Variants in AMMECR1 observed in about 807,000 individuals in gnomAD.
The protein encoded by AMMECR1 is nuclear protein AMMECR1.
In AMMECR1, 3 loss-of-function variants were observed where a neutral mutation model predicts 22.5. That is an observed-to-expected ratio of 0.13 (90% CI 0.06 to 0.35). AMMECR1 has a LOEUF of 0.35. Among genes scored for constraint, AMMECR1 ranks in the 10% least tolerant of loss-of-function variants. AMMECR1 has a pLI of 1.00. For synonymous variants in AMMECR1, 130 were observed against 116.7 expected, an observed-to-expected ratio of 1.11 and a Z score of -0.74; for missense variants, 235 against 278.7, an observed-to-expected ratio of 0.84 and a Z score of 1.12.
chrX:110,313,424 TAA>T (rs2068033350), intron 1 of AMMECR1, among the ~76,000 whole-genome samples: 1 of 112,081 alleles, frequency 8.9e-6, no homozygotes, highest in Non-Finnish European at 1.9e-5. Flanking sequence ...GCAGCAGCAT[TAA>T]AGATATAAGA....
At chrX:110,318,245 C>T (rs1453790273), upstream of AMMECR1, 4 of 165,352 alleles carry the variant, frequency 2.4e-5, no homozygotes, top group African/African-American at 9.6e-5. Flanking sequence ...CGCGCGCCCC[C>T]GCCTCGGTGC....
chrX:110,412,050 C>T (rs182468343), intron 2 of AMMECR1, among the ~76,000 whole-genome samples: 4 of 112,791 alleles, frequency 3.5e-5, no homozygotes, highest in African/African-American at 1.3e-4. Context: ...AGGGCCTATG[C>T]CCTATTAAAA....
At chrX:110,224,965 A>T (rs747574449) in intron 2 of AMMECR1, 1 of 349,831 alleles carries the variant, frequency 2.9e-6, no homozygotes, top group South Asian at 2.7e-5. Context: ...TTCGTTTTTT[A>T]AATTAAAAAA....
At chrX:110,347,004 A>T (rs761811148) in intron 2 of AMMECR1, 51 of 474,139 alleles carry the variant, frequency 1.1e-4, no homozygotes, top group Non-Finnish European at 1.7e-4. Flanking sequence ...TGCTATTAGA[A>T]GGGCTCAGGA....
intron 2 of AMMECR1, among the ~76,000 whole-genome samples, chrX:110,338,584 G>A (rs2068149771): frequency 9.0e-6 from 1 of 111,596 alleles, no homozygotes; most frequent in African/African-American, 3.3e-5. Flanking sequence ...TAATAAAATT[G>A]CATAGTAATT....
intron 2 of AMMECR1, among the ~76,000 whole-genome samples, chrX:110,247,447 T>C (rs994144768): frequency 3.6e-5 from 4 of 111,958 alleles, no homozygotes; most frequent in African/African-American, 6.5e-5. Flanking sequence ...TCCCAACACG[T>C]TGGGAGGCCG....
At chrX:110,313,403 T>C (rs1349499064) in intron 1 of AMMECR1, among the ~76,000 whole-genome samples, 1 of 112,237 alleles carries the variant, frequency 8.9e-6, no homozygotes, top group Non-Finnish European at 1.9e-5. Flanking sequence ...AAAGTTCAAG[T>C]AACGTGACAC....
intron 1 of AMMECR1, among the ~76,000 whole-genome samples, chrX:110,301,778 T>C (rs2067968180): frequency 1.8e-5 from 2 of 111,811 alleles, no homozygotes; most frequent in South Asian, 3.7e-4. Context: ...AATGCACTTA[T>C]ACAAATCTTT....
intron 2 of AMMECR1, among the ~76,000 whole-genome samples, chrX:110,365,270 T>C (rs1251380180): frequency 8.9e-6 from 1 of 111,801 alleles, no homozygotes; most frequent in Non-Finnish European, 1.9e-5. Flanking sequence ...GAGCCTGCAT[T>C]TTAAAACAAG....
At chrX:110,342,930 C>T (rs1284160669) in intron 2 of AMMECR1, among the ~76,000 whole-genome samples, 1 of 111,580 alleles carries the variant, frequency 9.0e-6, no homozygotes, top group African/African-American at 3.3e-5. Flanking sequence ...GGAGCTGGTA[C>T]CATTCCTTCT....
intron 2 of AMMECR1, among the ~76,000 whole-genome samples, chrX:110,332,164 A>G (rs1215450688): frequency 2.7e-5 from 3 of 111,590 alleles, no homozygotes; most frequent in Admixed American, 9.5e-5. Context: ...AGTAGAAAAT[A>G]AAAAAGGAAA....
At chrX:110,385,230 A>C (rs2068447089) in intron 2 of AMMECR1, among the ~76,000 whole-genome samples, 1 of 111,582 alleles carries the variant, frequency 9.0e-6, no homozygotes, top group African/African-American at 3.3e-5. Context: ...CCTACCTCTT[A>C]GGGTTTTGTG....
intron 1 of AMMECR1, among the ~76,000 whole-genome samples, chrX:110,429,866 T>A (rs1369762590): frequency 8.9e-6 from 1 of 112,764 alleles, no homozygotes; most frequent in Non-Finnish European, 1.9e-5. Context: ...AAAACTTATT[T>A]TATATTTTAT....
chrX:110,222,443 T>C (rs1406551218), intron 2 of AMMECR1, among the ~76,000 whole-genome samples: 1 of 66,760 alleles, frequency 1.5e-5, no homozygotes, highest in Non-Finnish European at 2.7e-5. Flanking sequence ...CTGGGGACTG[T>C]TGTGGGGTCG....
chrX:110,205,681 G>A (rs1704460783), intron 3 of AMMECR1, among the ~76,000 whole-genome samples: 1 of 111,621 alleles, frequency 9.0e-6, no homozygotes, highest in African/African-American at 3.3e-5. Context: ...TTATGGGTCT[G>A]CAGGTCATTT....
chrX:110,367,067 G>A (rs1457749488), intron 2 of AMMECR1, among the ~76,000 whole-genome samples: 1 of 111,833 alleles, frequency 8.9e-6, no homozygotes, highest in Non-Finnish European at 1.9e-5. Flanking sequence ...TTGTCACTGT[G>A]AGCGAACCAT....
intron 2 of AMMECR1, among the ~76,000 whole-genome samples, chrX:110,231,406 A>G (rs1374256795): frequency 8.9e-6 from 1 of 112,356 alleles, no homozygotes; most frequent in Non-Finnish European, 1.9e-5. Flanking sequence ...TTTCATATCC[A>G]GCCAAACTAA....
intron 2 of AMMECR1, among the ~76,000 whole-genome samples, chrX:110,363,577 G>A (rs2068278264): frequency 8.9e-6 from 1 of 111,872 alleles, no homozygotes; most frequent in Non-Finnish European, 1.9e-5. Context: ...ATTGTGACAT[G>A]TACAAACAAG....
At chrX:110,380,620 C>T (rs751246174) in intron 2 of AMMECR1, among the ~76,000 whole-genome samples, 5 of 112,203 alleles carry the variant, frequency 4.5e-5, no homozygotes, top group East Asian at 2.8e-4. Flanking sequence ...GAATTTAAAA[C>T]GAGCCCAAAT....
Sources: allele counts gnomAD v4.1 joint callset (sites outside exome capture counted in the v4.1 genomes callset), GRCh38; gene constraint gnomAD v4.1.1; transcripts MANE v1.5; gene names NCBI Gene and HGNC (gene_info 2026-07-23, HGNC 2026-07-21).